The following SNRPB2 variants were observed in gnomAD, a reference collection of about 807,000 sequenced individuals.
SNRPB2 encodes U2 small nuclear ribonucleoprotein B''.
In SNRPB2, 16 loss-of-function variants were observed where a neutral mutation model predicts 26.3. That is an observed-to-expected ratio of 0.61 (90% CI 0.41 to 0.92). SNRPB2 has a LOEUF of 0.92. Ranked by LOEUF, SNRPB2 falls within the 40% of genes least tolerant of loss-of-function variation. The pLI, the probability that SNRPB2 is intolerant of heterozygous loss-of-function variation, is 0.00. For missense variants in SNRPB2, 179 were observed against 268.1 expected, an observed-to-expected ratio of 0.67 and a Z score of 2.32; for synonymous variants, 75 against 89.0, an observed-to-expected ratio of 0.84 and a Z score of 0.88.
chr20:16,734,220 T>C (rs1186768828), intron 3 of SNRPB2, among the ~76,000 whole-genome samples: 1 of 152,162 alleles, frequency 6.6e-6, no homozygotes, highest in East Asian at 1.9e-4. Flanking sequence ...GATTATTATA[T>C]TGAAGCATTT....
chr20:16,738,734 G>A, intron 4 of SNRPB2, 118 bp from the exon 5 acceptor site: 1 of 689,076 alleles, frequency 1.5e-6, no homozygotes, highest in Non-Finnish European at 2.6e-6. Flanking sequence ...ATTAAATGGA[G>A]TAAGAAGGAT....
intron 3 of SNRPB2, among the ~76,000 whole-genome samples, chr20:16,735,715 C>G (rs1402102707): frequency 6.6e-6 from 1 of 152,062 alleles, no homozygotes; most frequent in Non-Finnish European, 1.5e-5. Context: ...TAACTGTTGC[C>G]TCTTGGTGCC....
At chr20:16,735,409 G>A (rs899153938) in intron 3 of SNRPB2, among the ~76,000 whole-genome samples, 5 of 151,180 alleles carry the variant, frequency 3.3e-5, no homozygotes, top group Non-Finnish European at 5.9e-5. Flanking sequence ...TTGAAATGGA[G>A]GTTGGAGATT....
chr20:16,735,506 G>A (rs1568754016), intron 3 of SNRPB2, among the ~76,000 whole-genome samples: 1 of 152,180 alleles, frequency 6.6e-6, no homozygotes, highest in Non-Finnish European at 1.5e-5. Context: ...ATGTGATAAT[G>A]CTTTAAGCCA....
At chr20:16,737,618 T>A (rs6044278) in intron 4 of SNRPB2, among the ~76,000 whole-genome samples, 32,191 of 152,186 alleles carry the variant, frequency 0.21, 4,172 homozygotes, top group African/African-American at 0.36. Flanking sequence ...AGCAGTTTTA[T>A]ATTTGCATGG....
intron 3 of SNRPB2, among the ~76,000 whole-genome samples, chr20:16,736,276 C>G (rs1311080170): frequency 6.6e-6 from 1 of 150,904 alleles, no homozygotes; most frequent in Non-Finnish European, 1.5e-5. Context: ...GCAGCAGGGA[C>G]AGAGAACAGA....
Position 16,742,494 on chromosome 20 carries a change from C to G in SNRPB2, c.*1489C>G, listed in dbSNP as rs536327215. On this transcript the variant is annotated 3_prime_UTR_variant, in exon 7 of 7. Coordinates refer to ENST00000246071, the MANE Select transcript of SNRPB2 (RefSeq NM_003092.5). ...CTTATACTCTGAGTGAAATGGGGGA[C>G]TATTTTAGAGAATTTTTTTAAAGTG... 1.5e-4 allele frequency: 22 copies of G among 151,692 alleles called. No individual in the cohort carries two copies. Among genetic ancestry groups the G allele is most frequent in the African/African-American group, 5.3e-4 (22 of 41,320 alleles). 9.4% of individuals were successfully genotyped at this position (151,692 alleles called of 1,614,324 possible).
At chr20:16,740,226 T>G in intron 5 of SNRPB2, 99 bp from the exon 6 acceptor site, 4 of 1,543,050 alleles carry the variant, frequency 2.6e-6, no homozygotes, top group Non-Finnish European at 3.5e-6. Context: ...AGTGTCATTG[T>G]TTTTCAGCTT....
At chr20:16,739,746 CTGGG>C (rs2072451195) in intron 5 of SNRPB2, among the ~76,000 whole-genome samples, 1 of 152,036 alleles carries the variant, frequency 6.6e-6, no homozygotes, top group Non-Finnish European at 1.5e-5. Context: ...CCCATAACCT[CTGGG>C]TGGGATATCA....
In SNRPB2 at chr20:16,731,493, GTTC is replaced by G. The variant is rs568018853; in HGVS notation, c.-35-167_-35-165del. Among the ~76,000 whole-genome samples the G allele has an allele frequency of 1.7e-3, 262 of 152,334 alleles. 2 individuals are homozygous for G. The highest frequency in any genetic ancestry group is 0.013 in the Admixed American group (201 of 15,306). On this transcript the variant is annotated intron_variant, in intron 1 of 6. Transcript: ENST00000246071. ...CTCCAAGTTTTGAATGTGAGAAACT[GTTC>G]TTCTTCTGTATGAAAAGGAGGGCTA... is the stretch of plus-strand genomic sequence containing the variant.
chr20:16,740,729 T>G, intron 6 of SNRPB2, 117 bp from the exon 7 acceptor site: 1 of 780,236 alleles, frequency 1.3e-6, no homozygotes, highest in East Asian at 2.6e-5. Flanking sequence ...TCAGTATTCT[T>G]GGTTAGAGTA....
At chr20:16,739,015 C>G (rs977792840) in intron 5 of SNRPB2, 113 bp downstream of exon 5, 5 of 713,168 alleles carry the variant, frequency 7.0e-6, no homozygotes, top group Non-Finnish European at 1.0e-5. Context: ...CTACAAGACA[C>G]AGTGCGTTAA....
At chr20:16,740,237 T>C in intron 5 of SNRPB2, 88 bp from the exon 6 acceptor site, 1 of 1,561,642 alleles carries the variant, frequency 6.4e-7, no homozygotes, top group Non-Finnish European at 8.6e-7. Context: ...TTTTCAGCTT[T>C]ATTGTTTGAT....
At chr20:16,732,852 G>A (rs1568753140) in intron 3 of SNRPB2, among the ~76,000 whole-genome samples, 1 of 152,176 alleles carries the variant, frequency 6.6e-6, no homozygotes, top group African/African-American at 2.4e-5. Context: ...TTTAAACTCA[G>A]GAATGACATA....
intron 4 of SNRPB2, among the ~76,000 whole-genome samples, chr20:16,737,877 A>T (rs976682733): frequency 1.3e-4 from 19 of 151,856 alleles, no homozygotes; most frequent in Non-Finnish European, 2.5e-4. Context: ...TCTACTAAAA[A>T]TACAAAAAAA....
rs771079419 is a variant in SNRPB2 at position 16,737,341 on chromosome 20, A to G, written c.318A>G (p.Glu106=). 6.2e-6 allele frequency: 10 copies of G among 1,608,156 alleles called. No individual in the cohort carries two copies. The highest frequency in any genetic ancestry group is 3.4e-5 in the Admixed American group (2 of 58,748). The change falls in exon 4 of 7, where the codon GAA becomes GAG. Residue 106 remains glutamate (E), a synonymous_variant. Coordinates refer to ENST00000246071, the MANE Select transcript of SNRPB2 (RefSeq NM_003092.5). The stretch of plus-strand genomic sequence containing the variant: ...TTGCTGACAAAGAAAAGAAAAAAGA[A>G]AAGAAAAAAGCCAAAACTGTGGAAC... The part of the protein sequence containing the change: ...GTFADKEKKK[E]KKKAKTVEQT...
rs1442824534 is a variant in SNRPB2, at chr20:16,737,320, T to C, written c.297T>C (p.Ala99=). ...DIISKMRGTF[A]DKEKKKEKKK... ...TATCAAAAATGCGTGGAACTTTTGC[T>C]GACAAAGAAAAGAAAAAAGAAAAGA... The change falls in exon 4 of 7, where the codon GCT becomes GCC. Residue 99 remains alanine (A), a synonymous_variant. Transcript: ENST00000246071. The C allele has an allele frequency of 6.2e-7, 1 of 1,606,848 alleles. No homozygotes were observed.
chr20:16,732,107 G>T, intron 2 of SNRPB2, 57 bp from the exon 3 acceptor site: 2 of 1,050,280 alleles, frequency 1.9e-6, no homozygotes, highest in Non-Finnish European at 2.8e-6. Context: ...ATCATTTTAT[G>T]AAGACTTTTG....
intron 2 of SNRPB2, 33 bp from the exon 3 acceptor site, chr20:16,732,131 A>G: frequency 7.3e-7 from 1 of 1,370,476 alleles, no homozygotes; most frequent in South Asian, 1.3e-5. Context: ...TTACTTTATT[A>G]CCAATAACTT....
Sources: allele counts gnomAD v4.1 joint callset (sites outside exome capture counted in the v4.1 genomes callset), GRCh38; gene constraint gnomAD v4.1.1; transcripts MANE v1.5; gene names NCBI Gene and HGNC (gene_info 2026-07-23, HGNC 2026-07-21).